Variants in ARHGEF4 observed in about 807,000 individuals in gnomAD.
ARHGEF4 encodes APC-stimulated guanine nucleotide exchange factor 1.
In ARHGEF4, 119 loss-of-function variants were observed where a neutral mutation model predicts 162.0. The observed-to-expected ratio is 0.73, with a 90% CI of 0.63 to 0.86. The LOEUF is 0.86. ARHGEF4 is among the 40% of genes least tolerant of loss of function. The probability of loss-of-function intolerance (pLI) is 0.00; values close to 1 mark genes in which losing one functional copy is unlikely to be tolerated. For missense variants in ARHGEF4, 2,488 were observed against 2,456.0 expected (o/e 1.01, Z -0.28); for synonymous variants, 1,014 against 979.9 (o/e 1.03, Z -0.65).
intron 12 of ARHGEF4, among the ~76,000 whole-genome samples, chr2:131,045,063 G>C (rs1295156481): frequency 1.3e-5 from 2 of 152,204 alleles, no homozygotes; most frequent in South Asian, 2.1e-4. Flanking sequence ...GGTCTGGGAA[G>C]GAGCCTCCAC....
intron 4 of ARHGEF4, among the ~76,000 whole-genome samples, chr2:130,975,675 C>G (rs907585759): frequency 1.9e-4 from 29 of 152,204 alleles, no homozygotes; most frequent in Admixed American, 1.3e-4. Flanking sequence ...TTCTACAGAA[C>G]TGTAAGTAAA....
chr2:131,046,913 T>TTTTG lies in ARHGEF4; in HGVS notation c.*729_*732dup, dbSNP rs372723990. Reference sequence around the variant, plus strand: ...AGCTCCAGAACCACCTCGTTCCTGGTTTTGTTTGGATTTTGGCATCTTGTT... The same window carrying TTTTG: ...AGCTCCAGAACCACCTCGTTCCTGGTTTTGTTTGTTTGGATTTTGGCATCTTGTT... On this transcript the variant is annotated 3_prime_UTR_variant, in exon 14 of 14. Transcript: ENST00000409359. 21 of 152,780 alleles carry TTTTG rather than the reference T, an allele frequency of 1.4e-4. No individual in the cohort carries two copies. Among genetic ancestry groups the TTTTG allele is most frequent in the African/African-American group, 4.8e-4 (20 of 41,540 alleles). 9.5% of individuals were successfully genotyped at this position (152,780 alleles called of 1,614,324 possible).
rs998531092 is a variant in ARHGEF4 at position 131,041,278 on chromosome 2, G to A, written c.4711G>A (p.Ala1571Thr). The change falls in exon 9 of 14, where the codon GCC becomes ACC. Residue 1571 changes from alanine to threonine, a missense_variant. Physicochemically the swap from Ala to Thr is moderately conservative, Grantham distance 58. This residue lies in a region of ARHGEF4 where 415 missense variants were observed against 512.4 expected (regional missense o/e 0.81). Transcript: ENST00000409359. ...GGAGTACTGCAATAACCACCCCAAC[G>A]CCTGCGTGGAGCTCTCCCGGCTCAC... Reference protein sequence around the residue: ...YSEYCNNHPNACVELSRLTKL... With the variant: ...YSEYCNNHPNTCVELSRLTKL... 1.2e-6 allele frequency: 2 copies of A among 1,613,778 alleles called. No individual in the cohort carries two copies. Among genetic ancestry groups the A allele is most frequent in the East Asian group, 2.2e-5 (1 of 44,890 alleles).
At chr2:130,977,042 G>A (rs1685774604) in intron 4 of ARHGEF4, among the ~76,000 whole-genome samples, 2 of 151,622 alleles carry the variant, frequency 1.3e-5, no homozygotes, top group Admixed American at 6.6e-5. Flanking sequence ...AATGGTGTGT[G>A]TGTTGGTGTG....
chr2:130,913,112 T>C (rs1411169430), intron 1 of ARHGEF4, among the ~76,000 whole-genome samples: 1 of 152,138 alleles, frequency 6.6e-6, no homozygotes. Context: ...ACATATCCCC[T>C]GTGGATAAGG....
At position 131,043,638 on chromosome 2, in the gene ARHGEF4, G is replaced by C. The variant is rs1046218340; in HGVS notation, c.5157+55G>C. The C allele has an allele frequency of 3.1e-6, 5 of 1,610,752 alleles. No homozygotes were observed. The Admixed American group carries it at 6.7e-5, about 21-fold the overall frequency. On this transcript the variant is annotated intron_variant, in intron 11 of 13. Coordinates refer to ENST00000409359, the MANE Select transcript of ARHGEF4 (RefSeq NM_001367493.1). ...AAGTTGAGCAAGTGGAGGGAGGGGAGCTGAGGGCTGGGAGCAGCTGCCCAG... is the reference window on the plus strand; with the variant it reads ...AAGTTGAGCAAGTGGAGGGAGGGGACCTGAGGGCTGGGAGCAGCTGCCCAG...
intron 1 of ARHGEF4, among the ~76,000 whole-genome samples, chr2:130,887,793 A>T (rs1679609381): frequency 6.6e-6 from 1 of 152,136 alleles, no homozygotes; most frequent in Non-Finnish European, 1.5e-5. Flanking sequence ...TGTCCTCACC[A>T]TGTGGTCTCC....
chr2:131,035,697 G>T (rs760997759), intron 5 of ARHGEF4: 7 of 985,696 alleles, frequency 7.1e-6, no homozygotes, highest in Non-Finnish European at 8.4e-6. Flanking sequence ...TGTTTTTCCC[G>T]TTTTAGGCCT....
chr2:130,991,692 C>A (rs1460489956), intron 4 of ARHGEF4, among the ~76,000 whole-genome samples: 4 of 152,238 alleles, frequency 2.6e-5, no homozygotes, highest in Admixed American at 2.0e-4. Flanking sequence ...CGGGGCAGGC[C>A]TCGGGACTGC....
chr2:130,997,694 C>T (rs889016524), intron 4 of ARHGEF4, among the ~76,000 whole-genome samples: 1 of 152,208 alleles, frequency 6.6e-6, no homozygotes, highest in African/African-American at 2.4e-5. Context: ...ACTGTATTTT[C>T]TGCCTTCGTA....
At chr2:130,980,264 G>T (rs1466093986) in intron 4 of ARHGEF4, among the ~76,000 whole-genome samples, 1 of 151,988 alleles carries the variant, frequency 6.6e-6, no homozygotes, top group Non-Finnish European at 1.5e-5. Flanking sequence ...GAGCATGGTG[G>T]TGGGTGCCTG....
Position 130,915,292 on chromosome 2 carries a change from T to C in ARHGEF4, c.1346T>C (p.Leu449Pro). ...TGCCTCACCTCAGAGTTAGTGAAGC[T>C]CAGTGCAGAGGAAGTGCCTGAGCCC... ...ASCLTSELVKLSAEEVPEPAE... is the reference protein window; with the variant it reads ...ASCLTSELVKPSAEEVPEPAE... The change falls in exon 2 of 14, where the codon CTC (leucine) becomes CCC (proline). Residue 449 changes from leucine to proline, a missense_variant. By Grantham distance (98) the Leu-to-Pro change is moderately conservative. Transcript: ENST00000409359. The C allele has an allele frequency of 6.4e-7, 1 of 1,550,498 alleles. No individual in the cohort carries two copies. Among genetic ancestry groups the C allele is most frequent in the Non-Finnish European group, 8.7e-7 (1 of 1,147,008 alleles).
intron 1 of ARHGEF4, among the ~76,000 whole-genome samples, chr2:130,848,417 A>T (rs1681152137): frequency 6.6e-6 from 1 of 152,206 alleles, no homozygotes; most frequent in Admixed American, 6.5e-5. Flanking sequence ...AGCAAGACAT[A>T]CATGCAGGCC....
intron 1 of ARHGEF4, among the ~76,000 whole-genome samples, chr2:130,903,561 A>G (rs967787094): frequency 2.0e-5 from 3 of 152,060 alleles, no homozygotes; most frequent in Admixed American, 6.6e-5. Context: ...CCTGACTGAC[A>G]TTTTTTTAAG....
chr2:130,853,920 C>T (rs977420630), intron 1 of ARHGEF4, among the ~76,000 whole-genome samples: 5 of 152,202 alleles, frequency 3.3e-5, no homozygotes, highest in African/African-American at 1.2e-4. Context: ...ACAGGCTAGT[C>T]TCAGCCTTGC....
rs1190683866 is a variant in ARHGEF4 at position 130,946,502 on chromosome 2, C to G, written c.3859-7C>G. On this transcript the variant is annotated splice_region_variant and splice_polypyrimidine_tract_variant and intron_variant, in intron 3 of 13. Coordinates refer to ENST00000409359, the MANE Select transcript of ARHGEF4 (RefSeq NM_001367493.1). ...ATTTGCCCTCTGTCTCTTTCCTCCT[C>G]TTCCAGTGCTGGAGAAAGACGATCA... The G allele has an allele frequency of 6.2e-7, 1 of 1,606,886 alleles. No individual in the cohort carries two copies. The highest frequency in any genetic ancestry group is 1.3e-5 in the African/African-American group (1 of 74,670).
At chr2:130,894,752 G>A (rs1026289313) in intron 1 of ARHGEF4, among the ~76,000 whole-genome samples, 1 of 151,948 alleles carries the variant, frequency 6.6e-6, no homozygotes, top group Admixed American at 6.6e-5. Context: ...CCTGGTCTGT[G>A]GCTCCTGTCA....
At chr2:130,936,350 C>A (rs1043672498) in intron 3 of ARHGEF4, among the ~76,000 whole-genome samples, 1 of 152,142 alleles carries the variant, frequency 6.6e-6, no homozygotes, top group Non-Finnish European at 1.5e-5. Flanking sequence ...TTTGTAGGTA[C>A]GTATGTTTGT....
intron 4 of ARHGEF4, among the ~76,000 whole-genome samples, chr2:131,021,293 T>C (rs1474823693): frequency 6.6e-6 from 1 of 151,994 alleles, no homozygotes; most frequent in Admixed American, 6.6e-5. Context: ...TATAGACCAA[T>C]GGAACAGAAC....
Sources: gnomAD v4.1 joint callset for allele counts (sites outside exome capture counted in the v4.1 genomes callset) on GRCh38, gnomAD v4.1.1 for gene constraint, gnomAD v4.1.1 regional missense constraint, MANE v1.5 for transcripts, NCBI Gene and HGNC (gene_info 2026-07-23, HGNC 2026-07-21) for gene names.